Variants in SLC24A2 observed in about 807,000 individuals in gnomAD.
SLC24A2 encodes sodium/potassium/calcium exchanger 2.
SLC24A2 carries 36 observed loss-of-function variants against 62.0 expected under a neutral mutation model. The ratio of observed to expected loss-of-function variants is 0.58; its 90% CI spans 0.44 to 0.77. The LOEUF (loss-of-function observed/expected upper bound fraction) is 0.77. Ranked by LOEUF, SLC24A2 falls within the 30% of genes least tolerant of loss-of-function variation. The pLI is 0.00. For synonymous variants in SLC24A2, 358 were observed against 294.0 expected, an observed-to-expected ratio of 1.22 and a Z score of -2.23; for missense variants, 846 against 817.9, an observed-to-expected ratio of 1.03 and a Z score of -0.42.
chr9:20,020,852 A>G, the SLC24A2 span, among the ~76,000 whole-genome samples: 3 of 152,322 alleles, frequency 2.0e-5, 1 homozygote, highest in Admixed American at 6.5e-5. Context: ...AGGAAAGTCA[A>G]AGGAAAACTT....
the SLC24A2 span, among the ~76,000 whole-genome samples, chr9:20,050,538 C>T: frequency 6.6e-6 from 1 of 152,182 alleles, no homozygotes; most frequent in African/African-American, 2.4e-5. Context: ...ATAGAGACCT[C>T]ATGCTTATTA....
the SLC24A2 span, among the ~76,000 whole-genome samples, chr9:20,099,274 T>A: frequency 6.6e-6 from 1 of 152,322 alleles, no homozygotes; most frequent in Admixed American, 6.5e-5. Flanking sequence ...CTTGATAATG[T>A]CCCCTGCCTA....
At chr9:19,941,225 A>G in the SLC24A2 span, among the ~76,000 whole-genome samples, 1 of 147,000 alleles carries the variant, frequency 6.8e-6, no homozygotes, top group Non-Finnish European at 1.5e-5. Context: ...AAGTTTTACT[A>G]TGGAGTAGAG....
intron 2 of SLC24A2, among the ~76,000 whole-genome samples, chr9:19,669,152 G>A (rs921211509): frequency 6.6e-6 from 1 of 152,148 alleles, no homozygotes; most frequent in African/African-American, 2.4e-5. Flanking sequence ...TGTAATTTGG[G>A]TCTTCAGGTC....
the SLC24A2 span, among the ~76,000 whole-genome samples, chr9:20,027,640 G>A: frequency 1.3e-5 from 2 of 152,234 alleles, no homozygotes; most frequent in African/African-American, 4.8e-5. Flanking sequence ...GTTATTAGAG[G>A]CTGAGGTTTT....
chr9:19,602,967 T>C (rs1450028508), intron 4 of SLC24A2, among the ~76,000 whole-genome samples: 1 of 152,214 alleles, frequency 6.6e-6, no homozygotes, highest in Non-Finnish European at 1.5e-5. Flanking sequence ...AGCTGAATAT[T>C]CAACATTTTC....
the SLC24A2 span, among the ~76,000 whole-genome samples, chr9:20,014,517 T>TATATATATATATATATATATATATACAC: frequency 6.7e-6 from 1 of 148,388 alleles, no homozygotes; most frequent in African/African-American, 2.5e-5. Flanking sequence ...TATATATATA[T>TATATATATATATATATATATATATACAC]ACACACACAC....
At chr9:19,963,459 A>C in the SLC24A2 span, among the ~76,000 whole-genome samples, 4 of 150,546 alleles carry the variant, frequency 2.7e-5, no homozygotes, top group Non-Finnish European at 6.0e-5. Context: ...AAATTTTCGC[A>C]ACCTACTCAT....
chr9:19,735,429 C>T (rs529699218), intron 2 of SLC24A2, among the ~76,000 whole-genome samples: 23 of 152,102 alleles, frequency 1.5e-4, no homozygotes, highest in Non-Finnish European at 2.5e-4. Context: ...CTAGTTCAAC[C>T]ATTGTGGAAG....
the SLC24A2 span, among the ~76,000 whole-genome samples, chr9:19,942,211 T>C: frequency 6.6e-6 from 1 of 152,150 alleles, no homozygotes; most frequent in African/African-American, 2.4e-5. Context: ...GGGGAAGAAA[T>C]AATTCTAAAC....
the SLC24A2 span, among the ~76,000 whole-genome samples, chr9:19,892,206 C>T: frequency 6.6e-6 from 1 of 152,146 alleles, no homozygotes; most frequent in Admixed American, 6.6e-5. Context: ...TCATAGTTCA[C>T]ATTCTACTAA....
chr9:19,827,930 A>G, the SLC24A2 span, among the ~76,000 whole-genome samples: 1 of 152,178 alleles, frequency 6.6e-6, no homozygotes, highest in Admixed American at 6.5e-5. Context: ...CTGAAAATTG[A>G]GATTCATCTG....
chr9:19,528,101 G>T lies in SLC24A2; in HGVS notation c.1517C>A (p.Ser506Tyr). Residue 506 changes from serine (S) to tyrosine (Y), a missense_variant, in exon 9 of 11, where the codon TCC (serine) becomes TAC (tyrosine). Coordinates refer to ENST00000341998, the MANE Select transcript of SLC24A2 (RefSeq NM_020344.4). ...RKFFPITFFG[S>Y]ITWIAVFSYL... The stretch of plus-strand genomic sequence containing the variant: ...AGAGAATACTGCAATCCAGGTAATG[G>T]AGCCAAAGAACGTGATGGGAAAAAA... 1 of 1,598,282 alleles carries T rather than the reference G, an allele frequency of 6.3e-7. No homozygotes were observed. Among genetic ancestry groups the T allele is most frequent in the Non-Finnish European group, 8.5e-7 (1 of 1,171,914 alleles).
At chr9:19,589,202 A>T (rs1305996983) in intron 5 of SLC24A2, among the ~76,000 whole-genome samples, 1 of 152,246 alleles carries the variant, frequency 6.6e-6, no homozygotes, top group Non-Finnish European at 1.5e-5. Flanking sequence ...TAAATAAATC[A>T]ACAAGGAATG....
chr9:19,919,279 T>G, the SLC24A2 span, among the ~76,000 whole-genome samples: 1 of 152,086 alleles, frequency 6.6e-6, no homozygotes, highest in Non-Finnish European at 1.5e-5. Context: ...CACGAGTGAT[T>G]CCATGCCTTC....
At chr9:19,658,302 C>G (rs1437977077) in intron 2 of SLC24A2, among the ~76,000 whole-genome samples, 1 of 152,152 alleles carries the variant, frequency 6.6e-6, no homozygotes, top group Non-Finnish European at 1.5e-5. Context: ...GAAGCTGGCT[C>G]ATTTGAAGAT....
chr9:20,292,546 A>G, the SLC24A2 span, among the ~76,000 whole-genome samples: 1 of 152,134 alleles, frequency 6.6e-6, no homozygotes, highest in Non-Finnish European at 1.5e-5. Flanking sequence ...CTGCTGTAAC[A>G]AAGTACCACA....
the SLC24A2 span, among the ~76,000 whole-genome samples, chr9:20,126,738 T>C: frequency 6.6e-6 from 1 of 152,168 alleles, no homozygotes; most frequent in Non-Finnish European, 1.5e-5. Flanking sequence ...TAAACACACA[T>C]ATATTTTATG....
intron 9 of SLC24A2, among the ~76,000 whole-genome samples, chr9:19,526,075 C>G (rs942971736): frequency 6.6e-6 from 1 of 152,142 alleles, no homozygotes; most frequent in Admixed American, 6.5e-5. Flanking sequence ...TTTGCCTGTT[C>G]TGTATACTTC....
Sources: gnomAD v4.1 joint callset for allele counts (sites outside exome capture counted in the v4.1 genomes callset) on GRCh38, gnomAD v4.1.1 for gene constraint, MANE v1.5 for transcripts, NCBI Gene and HGNC (gene_info 2026-07-23, HGNC 2026-07-21) for gene names.